ANKRD36: variants seen among roughly 807,000 people sequenced by gnomAD.
ANKRD36 encodes ankyrin repeat domain-containing protein 36A.
A neutral mutation model predicts 278.1 loss-of-function variants in ANKRD36; 179 were observed. The observed-to-expected ratio is 0.64, with a 90% CI of 0.57 to 0.73. The LOEUF is 0.73. Among genes scored for constraint, ANKRD36 ranks in the 30% least tolerant of loss-of-function variants. The probability of loss-of-function intolerance (pLI) is 0.00; values close to 1 mark genes in which losing one functional copy is unlikely to be tolerated. For missense variants in ANKRD36, 1,159 were observed against 1,956.7 expected, an observed-to-expected ratio of 0.59 and a Z score of 7.69; for synonymous variants, 320 against 641.1, an observed-to-expected ratio of 0.50 and a Z score of 7.57.
intron 46 of ANKRD36, 38 bp from the exon 47 acceptor site, chr2:97,202,164 T>C: frequency 6.2e-7 from 1 of 1,607,346 alleles, no homozygotes; most frequent in Non-Finnish European, 8.5e-7. Flanking sequence ...TTTGTCATAT[T>C]TACGTATGAC....
intron 52 of ANKRD36, among the ~76,000 whole-genome samples, chr2:97,206,909 T>G (rs2063010545): frequency 6.6e-6 from 1 of 151,518 alleles, no homozygotes. Context: ...TTGGATACAA[T>G]AGCTATTTCA....
rs554312920 is a variant in ANKRD36, at chr2:97,113,878, A to G, written c.139A>G (p.Lys47Glu). 7.4e-6 allele frequency: 12 copies of G among 1,613,100 alleles called. 1 individual carries two copies. The highest frequency in any genetic ancestry group is 6.7e-5 in the Admixed American group (4 of 59,914). The change falls in exon 1 of 76, where the codon AAA becomes GAA. Residue 47 changes from lysine to glutamate, a missense_variant. Lys to Glu is a moderately conservative substitution (Grantham distance 56). Transcript: ENST00000420699. ...HRAVLHGNLE[K>E]LKYLLLTYYD... ...AGCTGTCTTACATGGTAATCTAGAG[A>G]AACTGAAGTACCTTCTGCTCACGTA...
At chr2:97,179,058 G>C (rs951262646) in intron 22 of ANKRD36, among the ~76,000 whole-genome samples, 1 of 151,464 alleles carries the variant, frequency 6.6e-6, no homozygotes, top group Non-Finnish European at 1.5e-5. Context: ...TTTTGATGAA[G>C]TTTATATATT....
intron 42 of ANKRD36, among the ~76,000 whole-genome samples, chr2:97,198,147 T>G (rs1175924143): frequency 6.6e-6 from 1 of 151,924 alleles, no homozygotes; most frequent in African/African-American, 2.4e-5. Flanking sequence ...GTGCATGAGT[T>G]GCCCCTCTGA....
At chr2:97,207,662 T>C (rs549642669) in intron 52 of ANKRD36, 149 bp from the exon 53 acceptor site, 52 of 1,305,682 alleles carry the variant, frequency 4.0e-5, no homozygotes, top group South Asian at 6.5e-5. Context: ...ATTTCTGTCA[T>C]GTTCTAGTCC....
intron 6 of ANKRD36, among the ~76,000 whole-genome samples, chr2:97,139,094 T>G (rs1389686856): frequency 6.6e-6 from 1 of 151,972 alleles, no homozygotes; most frequent in Non-Finnish European, 1.5e-5. Flanking sequence ...CTAACTAAAC[T>G]AAAGAACTTG....
intron 3 of ANKRD36, among the ~76,000 whole-genome samples, chr2:97,120,757 A>G (rs1207348167): frequency 6.6e-6 from 1 of 152,120 alleles, no homozygotes; most frequent in Admixed American, 6.6e-5. Flanking sequence ...TTGCTTGGAG[A>G]CATATCCATA....
In ANKRD36 at chr2:97,215,580, A is replaced by T. The variant is rs745596644; in HGVS notation, c.3673+83A>T. 22 of 1,581,012 alleles carry T rather than the reference A, an allele frequency of 1.4e-5. No individual in the cohort carries two copies. The South Asian group carries it at 2.3e-4, about 17-fold the overall frequency. On this transcript the variant is annotated intron_variant, in intron 62 of 75. Coordinates refer to ENST00000420699, the MANE Select transcript of ANKRD36 (RefSeq NM_001354587.1). ...CCCTAAATAAATCAGCGGGGGGTTC[A>T]TTGAAGTTTTATGTTTGGATTCAGC...
chr2:97,231,395 G>T (rs572702768), intron 67 of ANKRD36, among the ~76,000 whole-genome samples: 6 of 152,250 alleles, frequency 3.9e-5, no homozygotes, highest in African/African-American at 1.4e-4. Flanking sequence ...AGACTGCTGT[G>T]CTAGCAATCA....
chr2:97,154,590 G>A, intron 14 of ANKRD36, 85 bp from the exon 15 acceptor site: 1 of 1,089,408 alleles, frequency 9.2e-7, no homozygotes, highest in Non-Finnish European at 1.3e-6. Flanking sequence ...TTTTTTGGAG[G>A]GGACCTGCAT....
At chr2:97,210,626 G>A (rs2064205715) in intron 56 of ANKRD36, among the ~76,000 whole-genome samples, 1 of 151,810 alleles carries the variant, frequency 6.6e-6, no homozygotes, top group Non-Finnish European at 1.5e-5. Context: ...TGTTCAAGGA[G>A]CTACCTCTTG....
intron 44 of ANKRD36, among the ~76,000 whole-genome samples, chr2:97,199,805 G>C (rs1489848049): frequency 6.6e-6 from 1 of 151,908 alleles, no homozygotes; most frequent in Non-Finnish European, 1.5e-5. Flanking sequence ...GATATCCAAG[G>C]TGATCAATTC....
rs1350589319 is a variant in ANKRD36, at chr2:97,130,845, T to C, written c.799+3711T>C. On this transcript the variant is annotated intron_variant, in intron 6 of 75. Coordinates refer to ENST00000420699, the MANE Select transcript of ANKRD36 (RefSeq NM_001354587.1). ...AACACAGGTATTTTTGACAACTATA[T>C]ATGATTTTCTTTTAAGAGAATTAGC... Among the ~76,000 whole-genome samples, 4 of 152,112 alleles carry C rather than the reference T, an allele frequency of 2.6e-5. No individual in the cohort carries two copies. In the East Asian group the frequency reaches 7.7e-4, roughly 29 times the overall value.
chr2:97,183,230 T>C (rs1337538155), intron 26 of ANKRD36, among the ~76,000 whole-genome samples: 3 of 151,754 alleles, frequency 2.0e-5, no homozygotes, highest in African/African-American at 4.8e-5. Flanking sequence ...ACACACATGA[T>C]GCATAATACC....
chr2:97,115,526 C>CA (rs1386415575), intron 1 of ANKRD36, among the ~76,000 whole-genome samples: 7 of 152,098 alleles, frequency 4.6e-5, no homozygotes, highest in Admixed American at 1.3e-4. Context: ...CAAGAACTCT[C>CA]ATTTAAAATA....
Position 97,206,085 on chromosome 2 carries a change from C to T in ANKRD36, c.3113C>T (p.Ser1038Phe), listed in dbSNP as rs2062775328. The T allele has an allele frequency of 6.4e-7, 1 of 1,551,016 alleles. No homozygotes were observed. Among genetic ancestry groups the T allele is most frequent in the Non-Finnish European group, 8.7e-7 (1 of 1,149,588 alleles). The change falls in exon 52 of 76, where the codon TCT (serine) becomes TTT (phenylalanine). Residue 1038 changes from serine to phenylalanine, a missense_variant. Physicochemically the swap from Ser to Phe is radical, Grantham distance 155. Transcript: ENST00000420699. ...CAGGCTACAAGTGATGAGGAAGATTCTGTTTTGAGTATAGCCAGAGAAAAC... is the reference window on the plus strand; with the variant it reads ...CAGGCTACAAGTGATGAGGAAGATTTTGTTTTGAGTATAGCCAGAGAAAAC... ...TLKATSDEED[S>F]VLSIARENKD... is the part of the protein sequence containing the mutation.
chr2:97,195,317 G>A (rs2059465792), intron 40 of ANKRD36, among the ~76,000 whole-genome samples: 1 of 151,970 alleles, frequency 6.6e-6, no homozygotes, highest in African/African-American at 2.4e-5. Flanking sequence ...CATAGACACT[G>A]TAGAAGGAGA....
Position 97,142,756 on chromosome 2 carries a change from C to A in ANKRD36, c.829-7C>A. On this transcript the variant is annotated splice_region_variant and splice_polypyrimidine_tract_variant and intron_variant, in intron 7 of 75. Transcript: ENST00000420699. ...GTATTGATTATTTTGTTTCAAATCC[C>A]ACTCAGGCTACAAGTGGCAAGGAAG... is the stretch of plus-strand genomic sequence containing the variant. 1 of 1,599,430 alleles carries A rather than the reference C, an allele frequency of 6.3e-7. No individual in the cohort carries two copies. Among genetic ancestry groups the A allele is most frequent in the Non-Finnish European group, 8.5e-7 (1 of 1,173,516 alleles).
At chr2:97,182,157 G>A (rs2443849) in intron 26 of ANKRD36, among the ~76,000 whole-genome samples, 1 of 151,332 alleles carries the variant, frequency 6.6e-6, no homozygotes, top group African/African-American at 2.4e-5. Context: ...AAACAGATGG[G>A]GAAATCATGG....
Sources: gnomAD v4.1 joint callset for allele counts (sites outside exome capture counted in the v4.1 genomes callset) on GRCh38, gnomAD v4.1.1 for gene constraint, MANE v1.5 for transcripts, NCBI Gene and HGNC (gene_info 2026-07-23, HGNC 2026-07-21) for gene names.